The following GRM8 variants were observed in gnomAD, a reference collection of about 807,000 sequenced individuals.
GRM8 encodes the protein metabotropic glutamate receptor 8.
Under a neutral mutation model 87.2 loss-of-function variants are expected in GRM8, and 47 were observed. That is an observed-to-expected ratio of 0.54 (90% confidence interval 0.43 to 0.69). The LOEUF is 0.69. Ranked by LOEUF, GRM8 falls within the 30% of genes least tolerant of loss-of-function variation. The pLI, the probability that GRM8 is intolerant of heterozygous loss-of-function variation, is 0.00. For synonymous variants in GRM8, 396 were observed against 404.5 expected, an observed-to-expected ratio of 0.98 and a Z score of 0.25; for missense variants, 1,019 against 1,139.2, an observed-to-expected ratio of 0.89 and a Z score of 1.52.
chr7:127,038,043 C>T lies in GRM8; in HGVS notation c.727+68453G>A, dbSNP rs56216303. On this transcript the variant is annotated intron_variant, in intron 3 of 10. Coordinates refer to ENST00000339582, the MANE Select transcript of GRM8 (RefSeq NM_000845.3). ...GACTATTAATTCGTATGGCAGTATA[C>T]ATATCTACCACTAATTTTTATTATA... Among the ~76,000 whole-genome samples the T allele has an allele frequency of 4.0e-3, 610 of 152,230 alleles. 4 individuals carry two copies. The highest frequency in any genetic ancestry group is 3.8e-3 in the Non-Finnish European group (261 of 68,014).
At chr7:126,627,440 T>G (rs1317729622) in intron 7 of GRM8, among the ~76,000 whole-genome samples, 1 of 152,246 alleles carries the variant, frequency 6.6e-6, no homozygotes, top group East Asian at 1.9e-4. Flanking sequence ...ACCTAATAAT[T>G]GATCTCTAGA....
chr7:126,604,102 G>C (rs982090499), intron 8 of GRM8, among the ~76,000 whole-genome samples: 13 of 151,682 alleles, frequency 8.6e-5, no homozygotes, highest in Non-Finnish European at 1.9e-4. Flanking sequence ...GGAAGCCCCA[G>C]TATACATACA....
At chr7:126,676,142 C>A (rs1452978292) in intron 7 of GRM8, among the ~76,000 whole-genome samples, 1 of 152,064 alleles carries the variant, frequency 6.6e-6, no homozygotes, top group Non-Finnish European at 1.5e-5. Context: ...ATTATAGCTA[C>A]AAAGAACAAA....
chr7:127,042,700 T>C (rs1249794499), intron 3 of GRM8, among the ~76,000 whole-genome samples: 1 of 152,180 alleles, frequency 6.6e-6, no homozygotes, highest in African/African-American at 2.4e-5. Context: ...GACATAGGCA[T>C]GGGCAAGGAC....
At chr7:127,161,883 T>C (rs961729525) in intron 2 of GRM8, among the ~76,000 whole-genome samples, 24 of 152,170 alleles carry the variant, frequency 1.6e-4, no homozygotes, top group African/African-American at 5.8e-4. Context: ...GATCACTGAT[T>C]ATACGATGTA....
chr7:126,896,463 T>A (rs1801549314), intron 6 of GRM8, among the ~76,000 whole-genome samples: 1 of 152,050 alleles, frequency 6.6e-6, no homozygotes, highest in Non-Finnish European at 1.5e-5. Context: ...CAAATCAAAT[T>A]ATGTAAATTC....
intron 7 of GRM8, among the ~76,000 whole-genome samples, chr7:126,616,445 C>T (rs1799503126): frequency 6.6e-6 from 1 of 152,102 alleles, no homozygotes; most frequent in Non-Finnish European, 1.5e-5. Flanking sequence ...AATCGACACC[C>T]TAACATCACA....
At chr7:127,208,365 A>T (rs1796030036) in intron 2 of GRM8, among the ~76,000 whole-genome samples, 1 of 151,904 alleles carries the variant, frequency 6.6e-6, no homozygotes, top group Non-Finnish European at 1.5e-5. Flanking sequence ...TCCCTGTTCC[A>T]CCCCTTCCTC....
intron 2 of GRM8, among the ~76,000 whole-genome samples, chr7:127,151,867 T>G (rs1828877326): frequency 6.6e-6 from 1 of 152,128 alleles, no homozygotes; most frequent in Non-Finnish European, 1.5e-5. Flanking sequence ...ATGTAGATTA[T>G]AGTCTATATT....
At chr7:126,471,346 C>A (rs201295103) in intron 9 of GRM8, among the ~76,000 whole-genome samples, 22,357 of 151,954 alleles carry the variant, frequency 0.15, 1,771 homozygotes, top group South Asian at 0.18. Context: ...AGTCTTTAAT[C>A]CATCTTGAAT....
At chr7:126,600,142 T>A (rs771600779) in intron 8 of GRM8, among the ~76,000 whole-genome samples, 10 of 152,192 alleles carry the variant, frequency 6.6e-5, no homozygotes, top group Non-Finnish European at 1.0e-4. Context: ...TGAATTCAAA[T>A]AGTTTATTAT....
intron 3 of GRM8, among the ~76,000 whole-genome samples, chr7:126,952,611 A>G (rs1230856374): frequency 6.6e-6 from 1 of 152,062 alleles, no homozygotes; most frequent in Non-Finnish European, 1.5e-5. Context: ...CAACACCACC[A>G]CTAATAAAAA....
intron 7 of GRM8, among the ~76,000 whole-genome samples, chr7:126,692,989 A>G (rs1808984326): frequency 6.6e-6 from 1 of 152,212 alleles, no homozygotes; most frequent in Non-Finnish European, 1.5e-5. Context: ...AGCAATAAGA[A>G]TGGTGTTGCC....
chr7:126,967,060 C>T (rs1296259151), intron 3 of GRM8, among the ~76,000 whole-genome samples: 1 of 152,114 alleles, frequency 6.6e-6, no homozygotes, highest in Non-Finnish European at 1.5e-5. Context: ...TTTATTCATC[C>T]TGAGAGATAG....
At chr7:126,870,061 T>C (rs1328746930) in intron 6 of GRM8, 1 of 152,146 alleles carries the variant, frequency 6.6e-6, no homozygotes, top group Non-Finnish European at 1.5e-5. Context: ...TTGCTGAAGT[T>C]TGTACATCAG....
intron 10 of GRM8, 126 bp downstream of exon 10, chr7:126,446,000 T>C (rs1801975017): frequency 9.3e-7 from 1 of 1,072,642 alleles, no homozygotes; most frequent in Non-Finnish European, 1.4e-6. Context: ...TGTCACGGTA[T>C]GTGAGTACCA....
intron 9 of GRM8, among the ~76,000 whole-genome samples, chr7:126,496,543 C>T (rs748360356): frequency 1.3e-5 from 2 of 152,124 alleles, no homozygotes; most frequent in East Asian, 1.9e-4. Flanking sequence ...GTCACTTGCA[C>T]TTAGATGCTA....
chr7:127,188,055 G>A (rs2116462219), intron 2 of GRM8, among the ~76,000 whole-genome samples: 1 of 152,294 alleles, frequency 6.6e-6, no homozygotes, highest in Admixed American at 6.5e-5. Context: ...AAGAACACAA[G>A]TGCTAGGTTC....
chr7:126,870,209 G>T (rs949038661), intron 6 of GRM8: 3 of 152,106 alleles, frequency 2.0e-5, no homozygotes, highest in Non-Finnish European at 4.4e-5. Context: ...AGGGAATTAG[G>T]GTCTTTCTCT....
Sources: gnomAD v4.1 joint callset for allele counts (sites outside exome capture counted in the v4.1 genomes callset) on GRCh38, gnomAD v4.1.1 for gene constraint, MANE v1.5 for transcripts, NCBI Gene and HGNC (gene_info 2026-07-23, HGNC 2026-07-21) for gene names.